FBXL7: variants seen among roughly 807,000 people sequenced by gnomAD.
FBXL7 encodes F-box/LRR-repeat protein 7.
Under a neutral mutation model 38.3 loss-of-function variants are expected in FBXL7, and 12 were observed. The ratio of observed to expected loss-of-function variants is 0.31; its 90% CI spans 0.20 to 0.51. The LOEUF is 0.51. Among genes scored for constraint, FBXL7 ranks in the 20% least tolerant of loss-of-function variants. The pLI is 0.98. For synonymous variants in FBXL7, 297 were observed against 300.9 expected (o/e 0.99, Z 0.13); for missense variants, 567 against 676.4 (o/e 0.84, Z 1.79).
chr5:15,582,307 CTT>C (rs1739170469), intron 1 of FBXL7, among the ~76,000 whole-genome samples: 1 of 152,130 alleles, frequency 6.6e-6, no homozygotes, highest in African/African-American at 2.4e-5. Context: ...TAAGCAGAGA[CTT>C]TTTTCTACTC....
At chr5:15,835,509 CTTT>C (rs1246773918) in intron 2 of FBXL7, among the ~76,000 whole-genome samples, 1 of 152,142 alleles carries the variant, frequency 6.6e-6, no homozygotes, top group East Asian at 1.9e-4. Flanking sequence ...AGCAGAGTGA[CTTT>C]TTTTGAATGT....
At chr5:15,882,984 A>C (rs1202962123) in intron 2 of FBXL7, among the ~76,000 whole-genome samples, 7 of 152,196 alleles carry the variant, frequency 4.6e-5, no homozygotes, top group Non-Finnish European at 8.8e-5. Flanking sequence ...AAAATCAATA[A>C]AATGGGACCC....
chr5:15,811,447 C>G (rs1057090495), intron 2 of FBXL7, among the ~76,000 whole-genome samples: 4 of 152,040 alleles, frequency 2.6e-5, no homozygotes, highest in Non-Finnish European at 4.4e-5. Context: ...GTCCTAATCT[C>G]TTTTTATAAG....
At chr5:15,611,947 C>A (rs998935963) in intron 1 of FBXL7, among the ~76,000 whole-genome samples, 1 of 151,768 alleles carries the variant, frequency 6.6e-6, no homozygotes, top group African/African-American at 2.4e-5. Flanking sequence ...TGCCACTACA[C>A]TCCAGCTTGG....
intron 2 of FBXL7, among the ~76,000 whole-genome samples, chr5:15,740,772 G>C (rs1053586709): frequency 5.9e-5 from 9 of 152,158 alleles, no homozygotes; most frequent in African/African-American, 2.2e-4. Context: ...CAGGCAAAGG[G>C]AAAGAAAGGA....
intron 2 of FBXL7, among the ~76,000 whole-genome samples, chr5:15,805,596 C>G (rs2126746460): frequency 6.6e-6 from 1 of 152,182 alleles, no homozygotes; most frequent in Non-Finnish European, 1.5e-5. Flanking sequence ...TTTTAGAAGT[C>G]TATAAAAACT....
intron 2 of FBXL7, among the ~76,000 whole-genome samples, chr5:15,620,384 C>T (rs1189234751): frequency 6.6e-6 from 1 of 150,386 alleles, no homozygotes. Context: ...AGACACATGC[C>T]ACCACGCCCA....
intron 2 of FBXL7, among the ~76,000 whole-genome samples, chr5:15,703,506 T>G (rs547449426): frequency 1.3e-5 from 2 of 152,350 alleles, no homozygotes; most frequent in Admixed American, 6.5e-5. Context: ...GCAAAAATAT[T>G]GACAGTTATT....
chr5:15,658,132 G>T (rs1238172094), intron 2 of FBXL7, among the ~76,000 whole-genome samples: 1 of 152,144 alleles, frequency 6.6e-6, no homozygotes, highest in Non-Finnish European at 1.5e-5. Context: ...TGACACTGGG[G>T]GTTTGGAAGG....
chr5:15,718,266 G>A (rs552398726), intron 2 of FBXL7, among the ~76,000 whole-genome samples: 4 of 152,212 alleles, frequency 2.6e-5, no homozygotes, highest in Non-Finnish European at 5.9e-5. Flanking sequence ...GTACTCTTGC[G>A]CTTTTTTTGT....
chr5:15,508,537 G>T (rs1165183710), intron 1 of FBXL7, among the ~76,000 whole-genome samples: 3 of 152,112 alleles, frequency 2.0e-5, no homozygotes, highest in Non-Finnish European at 2.9e-5. Context: ...CAAATGGGAA[G>T]GTGGTAATCA....
chr5:15,909,534 T>C lies in FBXL7; in HGVS notation c.128-18356T>C, dbSNP rs1444608250. On this transcript the variant is annotated intron_variant, in intron 2 of 3. Coordinates refer to ENST00000504595, the MANE Select transcript of FBXL7 (RefSeq NM_012304.5). ...GTGTCTCTATTTCCTTCAGTTCTGC[T>C]CTGATTTTAGTTATTTCTTGCCTTC... Among the ~76,000 whole-genome samples the C allele has an allele frequency of 1.5e-4, 6 of 39,580 alleles. 3 individuals are homozygous for C. The highest frequency in any genetic ancestry group is 3.0e-4 in the Non-Finnish European group (6 of 19,840). 26.0% of individuals were successfully genotyped at this position (39,580 alleles called of 152,430 possible). A position where few individuals can be genotyped will look rare whatever the true frequency, so the allele number is the denominator to read the frequency against.
chr5:15,566,370 G>T (rs193265443), intron 1 of FBXL7, among the ~76,000 whole-genome samples: 49 of 152,190 alleles, frequency 3.2e-4, no homozygotes, highest in African/African-American at 1.1e-3. Context: ...GCAGAGAAGC[G>T]CTGTCTTCTT....
intron 1 of FBXL7, among the ~76,000 whole-genome samples, chr5:15,514,852 T>C (rs1452991404): frequency 6.6e-6 from 1 of 152,138 alleles, no homozygotes; most frequent in South Asian, 2.1e-4. Flanking sequence ...CCACATGCAG[T>C]GACTAGTTTA....
At chr5:15,594,425 C>T (rs562925723) in intron 1 of FBXL7, among the ~76,000 whole-genome samples, 12 of 152,232 alleles carry the variant, frequency 7.9e-5, no homozygotes, top group South Asian at 4.1e-4. Context: ...ATTTCTTACG[C>T]GGTGGTAAGG....
chr5:15,735,645 A>G (rs765718255), intron 2 of FBXL7, among the ~76,000 whole-genome samples: 19 of 152,266 alleles, frequency 1.2e-4, no homozygotes, highest in South Asian at 4.1e-4. Context: ...ACCCACTTCC[A>G]GGGATTTTAG....
chr5:15,897,495 A>C (rs1042141397), intron 2 of FBXL7, among the ~76,000 whole-genome samples: 1 of 152,214 alleles, frequency 6.6e-6, no homozygotes, highest in African/African-American at 2.4e-5. Context: ...GTAATAGTTT[A>C]AGTGAGGTGT....
chr5:15,707,038 A>T (rs955222592), intron 2 of FBXL7, among the ~76,000 whole-genome samples: 1 of 152,186 alleles, frequency 6.6e-6, no homozygotes, highest in Non-Finnish European at 1.5e-5. Flanking sequence ...CCTTCACTTT[A>T]CAGAATGCCG....
At chr5:15,670,811 A>C (rs945868513) in intron 2 of FBXL7, among the ~76,000 whole-genome samples, 1 of 149,264 alleles carries the variant, frequency 6.7e-6, no homozygotes, top group African/African-American at 2.4e-5. Flanking sequence ...AAAAAAAATA[A>C]AAATAAAAAT....
Sources: allele counts gnomAD v4.1 joint callset (sites outside exome capture counted in the v4.1 genomes callset), GRCh38; gene constraint gnomAD v4.1.1; transcripts MANE v1.5; gene names NCBI Gene and HGNC (gene_info 2026-07-23, HGNC 2026-07-21).